EPHA5: variants seen among roughly 807,000 people sequenced by gnomAD.
The protein encoded by EPHA5 is EPH receptor A5, also known as ephrin type-A receptor 5.
EPHA5 carries 60 observed loss-of-function variants against 105.0 expected under a neutral mutation model. The ratio of observed to expected loss-of-function variants is 0.57; its 90% CI spans 0.46 to 0.71. EPHA5 has a LOEUF of 0.71. EPHA5 is among the 30% of genes least tolerant of loss of function. The pLI, the probability that EPHA5 is intolerant of heterozygous loss-of-function variation, is 0.00. For synonymous variants in EPHA5, 513 were observed against 449.1 expected (o/e 1.14, Z -1.80); for missense variants, 1,218 against 1,274.7 (o/e 0.96, Z 0.68).
intron 9 of EPHA5, among the ~76,000 whole-genome samples, chr4:65,366,577 G>A (rs1045171278): frequency 2.0e-5 from 3 of 151,766 alleles, no homozygotes; most frequent in African/African-American, 7.3e-5. Flanking sequence ...CAAGACTTAC[G>A]CTCTGTGAGT....
At chr4:65,361,252 T>A (rs954252650) in intron 11 of EPHA5, among the ~76,000 whole-genome samples, 3 of 151,568 alleles carry the variant, frequency 2.0e-5, no homozygotes, top group African/African-American at 7.3e-5. Flanking sequence ...ATGACACTGA[T>A]CTCATAGAGG....
At chr4:65,489,333 C>T (rs1720339044) in intron 5 of EPHA5, among the ~76,000 whole-genome samples, 1 of 152,202 alleles carries the variant, frequency 6.6e-6, no homozygotes, top group Non-Finnish European at 1.5e-5. Flanking sequence ...CCGCAACCTA[C>T]AAACTTACAC....
At position 65,669,625 on chromosome 4, in the gene EPHA5, G is replaced by A. The variant is rs1015973614; in HGVS notation, c.118C>T (p.Leu40Phe). ...GCYSAPRRAP[L>F]WTCLLLCAAL... The stretch of plus-strand genomic sequence containing the variant: ...GCGCACAGGAGAAGGCACGTCCAGA[G>A]GGGAGCCCGTCGAGGTGCAGAGTAG... Residue 40 changes from leucine to phenylalanine, a missense_variant, in exon 1 of 17, where the codon CTC becomes TTC. Physicochemically the swap from Leu to Phe is conservative, Grantham distance 22. Coordinates refer to ENST00000613740, the MANE Select transcript of EPHA5 (RefSeq NM_001281766.3). The A allele has an allele frequency of 1.4e-6, 2 of 1,419,666 alleles. No homozygotes were observed. Among genetic ancestry groups the A allele is most frequent in the Admixed American group, 2.6e-5 (1 of 38,606 alleles). 87.9% of individuals were successfully genotyped at this position (1,419,666 alleles called of 1,614,324 possible). A position where few individuals can be genotyped will look rare whatever the true frequency, so the allele number is the denominator to read the frequency against.
intron 1 of EPHA5, among the ~76,000 whole-genome samples, chr4:65,656,576 TTA>T (rs1022997072): frequency 6.8e-6 from 1 of 147,550 alleles, no homozygotes; most frequent in African/African-American, 2.5e-5. Context: ...ATGTAGCATT[TTA>T]TATATATATT....
At chr4:65,390,868 C>T (rs553790255) in intron 8 of EPHA5, among the ~76,000 whole-genome samples, 1 of 152,020 alleles carries the variant, frequency 6.6e-6, no homozygotes, top group East Asian at 1.9e-4. Context: ...GAGTAAGAGA[C>T]AGTACGGGAA....
chr4:65,559,365 A>G (rs962611504), intron 3 of EPHA5, among the ~76,000 whole-genome samples: 5 of 152,192 alleles, frequency 3.3e-5, no homozygotes, highest in African/African-American at 1.2e-4. Flanking sequence ...GAATGAAAGC[A>G]CTTAAATTGT....
At chr4:65,401,754 T>A (rs372713606) in intron 8 of EPHA5, among the ~76,000 whole-genome samples, 16 of 152,106 alleles carry the variant, frequency 1.1e-4, no homozygotes, top group African/African-American at 3.9e-4. Context: ...TGTTCAAAAA[T>A]TTTTTTACCA....
At chr4:65,664,627 C>A (rs1421844392) in intron 1 of EPHA5, among the ~76,000 whole-genome samples, 4 of 151,852 alleles carry the variant, frequency 2.6e-5, no homozygotes, top group Non-Finnish European at 4.4e-5. Context: ...AAACCCTTAT[C>A]TATCCTATGA....
chr4:65,615,207 G>C (rs1026473711), intron 2 of EPHA5, among the ~76,000 whole-genome samples: 1 of 151,596 alleles, frequency 6.6e-6, no homozygotes, highest in Non-Finnish European at 1.5e-5. Flanking sequence ...AGTCTCAAAA[G>C]AAGGAGTAAG....
intron 4 of EPHA5, among the ~76,000 whole-genome samples, chr4:65,491,191 A>G (rs938143423): frequency 9.9e-5 from 15 of 151,840 alleles, no homozygotes; most frequent in African/African-American, 3.4e-4. Context: ...TAAAAAAAAA[A>G]AAAACCTTAG....
At chr4:65,622,150 T>C (rs1340554365) in intron 2 of EPHA5, among the ~76,000 whole-genome samples, 1 of 152,142 alleles carries the variant, frequency 6.6e-6, no homozygotes, top group African/African-American at 2.4e-5. Flanking sequence ...TTATTTTATT[T>C]TCTAGAAAAG....
At chr4:65,666,333 C>T (rs368437959) in intron 1 of EPHA5, among the ~76,000 whole-genome samples, 2 of 152,122 alleles carry the variant, frequency 1.3e-5, no homozygotes, top group African/African-American at 2.4e-5. Flanking sequence ...TGATTCACTG[C>T]GGGTGAATCA....
At position 65,326,917 on chromosome 4, in the gene EPHA5, A is replaced by G. The variant is rs532967442; in HGVS notation, c.2946-2698T>C. 8.6e-5 allele frequency among the ~76,000 whole-genome samples: 13 copies of G among 151,406 alleles called. No homozygotes were observed. In the South Asian group the frequency reaches 1.7e-3, roughly 19 times the overall value. On this transcript the variant is annotated intron_variant, in intron 16 of 16. Transcript: ENST00000613740. ...AGAATTTATAAGTTCTCTTTCAAAC[A>G]TGGAATTTATACAATCACAAAACTT...
At chr4:65,600,800 T>C (rs139470545) in intron 3 of EPHA5, among the ~76,000 whole-genome samples, 1,543 of 152,250 alleles carry the variant, frequency 0.01, 10 homozygotes, top group Non-Finnish European at 0.016. Flanking sequence ...TCCCATAAAC[T>C]GCTCTTCGTT....
intron 8 of EPHA5, among the ~76,000 whole-genome samples, chr4:65,391,810 G>A (rs183649422): frequency 9.4e-4 from 143 of 152,242 alleles, no homozygotes; most frequent in Middle Eastern, 3.4e-3. Context: ...CTTGTGGTTA[G>A]GCTTTTGACC....
intron 8 of EPHA5, among the ~76,000 whole-genome samples, chr4:65,398,879 A>C (rs1721521891): frequency 6.6e-6 from 1 of 152,202 alleles, no homozygotes; most frequent in Non-Finnish European, 1.5e-5. Flanking sequence ...GTTACTCAAT[A>C]AAGCACCCCT....
intron 3 of EPHA5, among the ~76,000 whole-genome samples, chr4:65,590,155 C>A (rs1481994081): frequency 6.6e-6 from 1 of 152,136 alleles, no homozygotes; most frequent in Non-Finnish European, 1.5e-5. Flanking sequence ...ATTGTTACTT[C>A]CTCCAAACTG....
chr4:65,392,608 A>C (rs1389574811), intron 8 of EPHA5, among the ~76,000 whole-genome samples: 1 of 152,172 alleles, frequency 6.6e-6, no homozygotes, highest in Non-Finnish European at 1.5e-5. Context: ...AAATAAAATC[A>C]AAAGCTAGTG....
At chr4:65,405,304 T>C in intron 7 of EPHA5, among the ~76,000 whole-genome samples, 1 of 152,264 alleles carries the variant, frequency 6.6e-6, no homozygotes, top group Non-Finnish European at 1.5e-5. Context: ...CAAAATAAAT[T>C]GTACTAATGT....
Sources: gnomAD v4.1 joint callset for allele counts (sites outside exome capture counted in the v4.1 genomes callset) on GRCh38, gnomAD v4.1.1 for gene constraint, MANE v1.5 for transcripts, NCBI Gene and HGNC (gene_info 2026-07-23, HGNC 2026-07-21) for gene names.